Variants in OOSP3 observed in about 807,000 individuals in gnomAD.
OOSP3 encodes the protein oocyte-secreted protein 3.
intron 1 of OOSP3, among the ~76,000 whole-genome samples, chr11:59,879,525 C>A (rs1164621934): frequency 1.3e-5 from 2 of 150,714 alleles, no homozygotes; most frequent in African/African-American, 4.9e-5. Context: ...TTTTTTTAAA[C>A]CATGAAAATA....
intron 1 of OOSP3, 117 bp downstream of exon 1, chr11:59,878,998 G>A: frequency 2.5e-6 from 1 of 396,622 alleles, no homozygotes; most frequent in Admixed American, 4.4e-5. Context: ...TCTGACTTCT[G>A]TAGTGGTATT....
chr11:59,896,235 A>C (rs1296998465), exon 5 of OOSP3: 7 of 398,258 alleles, frequency 1.8e-5, no homozygotes, highest in Non-Finnish European at 2.7e-5. Context: ...GCAATCCTGA[A>C]AACTCTGTTG....
rs1006542654 is a variant in OOSP3, at chr11:59,893,781, A to G, written c.253-298A>G. Among the ~76,000 whole-genome samples, 9 of 151,998 alleles carry G rather than the reference A, an allele frequency of 5.9e-5. No homozygotes were observed. The South Asian group carries it at 6.3e-4, about 11-fold the overall frequency. ...ATAATGTTTAAGAGCTAAATATGAG[A>G]AAAAAAAACTTGTTAAGTAGAAGCT... On this transcript the variant is annotated intron_variant, in intron 2 of 4. Coordinates refer to ENST00000646438, the Ensembl canonical transcript of OOSP3.
intron 2 of OOSP3, among the ~76,000 whole-genome samples, chr11:59,887,326 G>C (rs1476212497): frequency 6.6e-6 from 1 of 152,032 alleles, no homozygotes; most frequent in Non-Finnish European, 1.5e-5. Flanking sequence ...TGCTTTTGTT[G>C]CTTATGATGC....
intron 1 of OOSP3, 122 bp from the exon 2 acceptor site, chr11:59,880,139 C>A (rs1853186416): frequency 2.5e-6 from 1 of 395,778 alleles, no homozygotes. Context: ...TATTGTATCT[C>A]TCAAGGCTGT....
At chr11:59,883,817 A>C (rs1853224688) in intron 2 of OOSP3, among the ~76,000 whole-genome samples, 1 of 152,242 alleles carries the variant, frequency 6.6e-6, no homozygotes, top group Admixed American at 6.5e-5. Flanking sequence ...CAAAAAGATT[A>C]AGTAACCTAC....
At chr11:59,896,136 G>C in exon 5 of OOSP3, 1 of 398,404 alleles carries the variant, frequency 2.5e-6, no homozygotes, top group Non-Finnish European at 4.4e-6. Flanking sequence ...TCTGTAGGTA[G>C]AGGCATCTCA....
intron 2 of OOSP3, among the ~76,000 whole-genome samples, chr11:59,893,780 G>GA (rs1240304463): frequency 9.2e-5 from 14 of 151,442 alleles, no homozygotes; most frequent in East Asian, 1.9e-4. Context: ...CTAAATATGA[G>GA]AAAAAAAAAC....
intron 2 of OOSP3, among the ~76,000 whole-genome samples, chr11:59,886,761 T>C (rs1252764724): frequency 2.0e-5 from 3 of 152,036 alleles, no homozygotes; most frequent in Non-Finnish European, 4.4e-5. Flanking sequence ...TGTCTTATTT[T>C]GAGAAGTATC....
chr11:59,889,157 G>A (rs1272736235), intron 2 of OOSP3, among the ~76,000 whole-genome samples: 1 of 151,604 alleles, frequency 6.6e-6, no homozygotes, highest in African/African-American at 2.4e-5. Flanking sequence ...TATCATTTCT[G>A]AATGTGTTTA....
chr11:59,895,468 G>C, intron 3 of OOSP3, 34 bp from the exon 4 acceptor site: 1 of 398,048 alleles, frequency 2.5e-6, no homozygotes, highest in Non-Finnish European at 4.4e-6. Context: ...AATGTAATCT[G>C]ATGTGCAAAT....
chr11:59,892,753 C>A (rs1192872054), intron 2 of OOSP3, among the ~76,000 whole-genome samples: 2 of 151,946 alleles, frequency 1.3e-5, no homozygotes, highest in Non-Finnish European at 2.9e-5. Flanking sequence ...GAGCTCCAAA[C>A]CATCTATTTC....
At chr11:59,883,317 A>G (rs1043921927) in intron 2 of OOSP3, among the ~76,000 whole-genome samples, 1 of 152,214 alleles carries the variant, frequency 6.6e-6, no homozygotes, top group African/African-American at 2.4e-5. Context: ...TCAAAACAAA[A>G]CACTGAAACG....
At chr11:59,880,947 T>C (rs1389686206) in intron 2 of OOSP3, among the ~76,000 whole-genome samples, 5 of 152,182 alleles carry the variant, frequency 3.3e-5, no homozygotes, top group Non-Finnish European at 7.4e-5. Flanking sequence ...AGGTTTGAGG[T>C]GGAGGTGGAT....
chr11:59,879,686 C>G (rs1334045015), intron 1 of OOSP3, among the ~76,000 whole-genome samples: 4 of 152,190 alleles, frequency 2.6e-5, no homozygotes, highest in African/African-American at 9.7e-5. Context: ...ACTTACCACA[C>G]AAGGTTTTAA....
intron 2 of OOSP3, among the ~76,000 whole-genome samples, chr11:59,882,118 C>G (rs1853207635): frequency 6.6e-6 from 1 of 151,840 alleles, no homozygotes; most frequent in South Asian, 2.1e-4. Flanking sequence ...TTACAAAGGC[C>G]AAAGAATTAA....
At chr11:59,890,789 G>A (rs1267569525) in intron 2 of OOSP3, among the ~76,000 whole-genome samples, 1 of 152,034 alleles carries the variant, frequency 6.6e-6, no homozygotes, top group Non-Finnish European at 1.5e-5. Context: ...TATCTTATTG[G>A]GGTTCTCTGG....
At chr11:59,887,210 C>T (rs1853271350) in intron 2 of OOSP3, among the ~76,000 whole-genome samples, 2 of 151,152 alleles carry the variant, frequency 1.3e-5, no homozygotes, top group Non-Finnish European at 2.9e-5. Flanking sequence ...AAAATTTTCT[C>T]CCATTCTGTA....
chr11:59,884,475 G>C lies in OOSP3; in HGVS notation c.252+4036G>C, dbSNP rs3916605. Among the ~76,000 whole-genome samples, 173 of 113,856 alleles carry C rather than the reference G, an allele frequency of 1.5e-3. 3 individuals are homozygous for C. The highest frequency in any genetic ancestry group is 4.5e-3 in the African/African-American group (125 of 28,008). 74.7% of individuals were successfully genotyped at this position (113,856 alleles called of 152,430 possible). On this transcript the variant is annotated intron_variant, in intron 2 of 4. Transcript: ENST00000646438. ...TGTCTGTCTGTCTGTCTGTCTGTCT[G>C]TCTCTCTCTCTCTCTCTCTCTCTCT...
Sources: allele counts gnomAD v4.1 joint callset (sites outside exome capture counted in the v4.1 genomes callset), GRCh38; gene constraint gnomAD v4.1.1; transcripts MANE v1.5; gene names NCBI Gene and HGNC (gene_info 2026-07-23, HGNC 2026-07-21).